Variants in KLF13 observed in about 807,000 individuals in gnomAD.
The protein encoded by KLF13 is Krueppel-like factor 13.
Under a neutral mutation model 16.7 loss-of-function variants are expected in KLF13, and 8 were observed. That is an observed-to-expected ratio of 0.48 (90% CI 0.28 to 0.87). The LOEUF (loss-of-function observed/expected upper bound fraction) is 0.87. KLF13 is among the 40% of genes least tolerant of loss of function. KLF13 has a pLI of 0.10. For synonymous variants in KLF13, 245 were observed against 208.4 expected (o/e 1.18, Z -1.51); for missense variants, 447 against 452.2 (o/e 0.99, Z 0.10).
At chr15:31,334,940 T>C (rs2038901956) in intron 1 of KLF13, among the ~76,000 whole-genome samples, 1 of 152,134 alleles carries the variant, frequency 6.6e-6, no homozygotes, top group Non-Finnish European at 1.5e-5. Flanking sequence ...TGGGCCAAAA[T>C]AACAGAAACT....
chr15:31,386,212 A>G (rs1298740394), intron 1 of KLF13, among the ~76,000 whole-genome samples: 1 of 152,216 alleles, frequency 6.6e-6, no homozygotes, highest in Non-Finnish European at 1.5e-5. Flanking sequence ...GAAAGAAAGT[A>G]TTAGGCTGGG....
chr15:31,407,964 A>G (rs1209204084), downstream of KLF13, among the ~76,000 whole-genome samples: 3 of 152,220 alleles, frequency 2.0e-5, no homozygotes, highest in Non-Finnish European at 4.4e-5. Context: ...AGACATTCCT[A>G]CTAAGGTTAG....
At chr15:31,327,876 G>A in intron 1 of KLF13, 87 bp downstream of exon 1, 1 of 1,191,586 alleles carries the variant, frequency 8.4e-7, no homozygotes, top group Non-Finnish European at 1.0e-6. Flanking sequence ...CCGATGGGGC[G>A]CGAGGTGGGG....
chr15:31,337,887 T>C (rs1296947024), intron 1 of KLF13, among the ~76,000 whole-genome samples: 1 of 152,182 alleles, frequency 6.6e-6, no homozygotes, highest in African/African-American at 2.4e-5. Context: ...CAGGATACCA[T>C]CTTTTATCAA....
downstream of KLF13, among the ~76,000 whole-genome samples, chr15:31,381,741 T>C (rs1287943404): frequency 6.6e-6 from 1 of 152,260 alleles, no homozygotes; most frequent in Non-Finnish European, 1.5e-5. Flanking sequence ...CACCTGTGTT[T>C]TGTCATCCTT....
chr15:31,398,395 T>C (rs992406562), intron 2 of KLF13, among the ~76,000 whole-genome samples: 7 of 152,192 alleles, frequency 4.6e-5, no homozygotes. Context: ...AAACAGCTGC[T>C]GGCATTTCGT....
downstream of KLF13, among the ~76,000 whole-genome samples, chr15:31,381,660 G>A (rs929901527): frequency 2.6e-5 from 4 of 152,174 alleles, no homozygotes; most frequent in African/African-American, 9.7e-5. Context: ...GAAGGAGCCT[G>A]CATCCCACTC....
chr15:31,425,122 GA>G (rs2040385835), intron 1 of KLF13, among the ~76,000 whole-genome samples: 1 of 151,968 alleles, frequency 6.6e-6, no homozygotes, highest in Non-Finnish European at 1.5e-5. Flanking sequence ...AAACATTGCT[GA>G]AAGAAATTAA....
chr15:31,371,404 G>C (rs2039552687), intron 1 of KLF13, among the ~76,000 whole-genome samples: 3 of 152,260 alleles, frequency 2.0e-5, no homozygotes. Context: ...TGCTCTGCCA[G>C]CCGTCCCTGG....
At chr15:31,420,357 T>G (rs2040306509) in intron 1 of KLF13, 2 of 1,118,028 alleles carry the variant, frequency 1.8e-6, no homozygotes, top group African/African-American at 1.5e-5. Context: ...TATGAAGACC[T>G]GAGGTATAAG....
At chr15:31,360,492 A>G (rs1283227244) in intron 1 of KLF13, among the ~76,000 whole-genome samples, 1 of 152,182 alleles carries the variant, frequency 6.6e-6, no homozygotes, top group Admixed American at 6.5e-5. Context: ...TGTTCTCTGC[A>G]AGAGGGTTTT....
At chr15:31,415,260 A>G (rs1204893935) in intron 1 of KLF13, among the ~76,000 whole-genome samples, 1 of 152,198 alleles carries the variant, frequency 6.6e-6, no homozygotes, top group African/African-American at 2.4e-5. Context: ...TTCTTTATAA[A>G]TCATCCAGCC....
At chr15:31,400,701 G>A (rs2040021885) in intron 2 of KLF13, among the ~76,000 whole-genome samples, 1 of 151,808 alleles carries the variant, frequency 6.6e-6, no homozygotes, top group Non-Finnish European at 1.5e-5. Context: ...CTGCTGTGTG[G>A]AAGGTGGAGG....
intron 1 of KLF13, among the ~76,000 whole-genome samples, chr15:31,354,457 T>G (rs2039267798): frequency 6.6e-6 from 1 of 152,236 alleles, no homozygotes; most frequent in African/African-American, 2.4e-5. Flanking sequence ...CTCAGCTCAC[T>G]GCAACCTCTG....
At chr15:31,362,300 G>A (rs1409491549) in intron 1 of KLF13, among the ~76,000 whole-genome samples, 1 of 152,228 alleles carries the variant, frequency 6.6e-6, no homozygotes, top group Non-Finnish European at 1.5e-5. Flanking sequence ...CAATAGGACA[G>A]TTTGCAGCGT....
intron 1 of KLF13, among the ~76,000 whole-genome samples, chr15:31,333,951 A>G (rs976154353): frequency 7.2e-6 from 1 of 138,588 alleles, no homozygotes. Context: ...CCATCGCCTC[A>G]TGGGGGGGGG....
downstream of KLF13, among the ~76,000 whole-genome samples, chr15:31,380,707 T>C (rs1181960668): frequency 1.3e-5 from 2 of 152,178 alleles, no homozygotes; most frequent in East Asian, 3.8e-4. Context: ...GCACCACTCC[T>C]AAAAAGTCTC....
chr15:31,355,112 A>G (rs2039279816), intron 1 of KLF13, among the ~76,000 whole-genome samples: 1 of 152,248 alleles, frequency 6.6e-6, no homozygotes, highest in East Asian at 1.9e-4. Flanking sequence ...AAAGAAGGCA[A>G]CCAGGACACA....
chr15:31,422,427 C>T (rs572609764), intron 1 of KLF13, among the ~76,000 whole-genome samples: 12 of 152,182 alleles, frequency 7.9e-5, no homozygotes, highest in Admixed American at 3.3e-4. Context: ...GCAGGGGAAA[C>T]GGTAGATGCT....
Sources: allele counts gnomAD v4.1 joint callset (sites outside exome capture counted in the v4.1 genomes callset), GRCh38; gene constraint gnomAD v4.1.1; transcripts MANE v1.5; gene names NCBI Gene and HGNC (gene_info 2026-07-23, HGNC 2026-07-21).